Variants in ADAMTSL1 observed in about 807,000 individuals in gnomAD.
ADAMTSL1 encodes ADAMTS-like protein 1.
A neutral mutation model predicts 201.8 loss-of-function variants in ADAMTSL1; 126 were observed. That is an observed-to-expected ratio of 0.62 (90% CI 0.54 to 0.72). ADAMTSL1 has a LOEUF of 0.72. ADAMTSL1 is among the 30% of genes least tolerant of loss of function. ADAMTSL1 has a pLI of 0.00. For synonymous variants in ADAMTSL1, 1,121 were observed against 903.4 expected, an observed-to-expected ratio of 1.24 and a Z score of -4.32; for missense variants, 2,679 against 2,277.8, an observed-to-expected ratio of 1.18 and a Z score of -3.59.
At chr9:18,405,733 C>T (rs1263706528) in intron 2 of ADAMTSL1, among the ~76,000 whole-genome samples, 1 of 151,100 alleles carries the variant, frequency 6.6e-6, no homozygotes, top group Non-Finnish European at 1.5e-5. Context: ...AGATTTTATA[C>T]AATAATATGT....
chr9:18,496,894 G>A (rs1822561016), intron 1 of ADAMTSL1, among the ~76,000 whole-genome samples: 1 of 152,220 alleles, frequency 6.6e-6, no homozygotes, highest in Non-Finnish European at 1.5e-5. Flanking sequence ...TTAGATGGAA[G>A]TGGAAACTAA....
At position 18,775,915 on chromosome 9, in the gene ADAMTSL1, TGG is replaced by T. The variant is rs1290765513; in HGVS notation, c.2551+21_2551+22del. 4.4e-6 allele frequency: 7 copies of T among 1,577,664 alleles called. No individual in the cohort carries two copies. In the African/African-American group the frequency reaches 9.5e-5, roughly 21 times the overall value. On this transcript the variant is annotated intron_variant, in intron 18 of 28. Coordinates refer to ENST00000380548, the MANE Select transcript of ADAMTSL1 (RefSeq NM_001040272.6). ...TGTGCAAGTAAGTATGTCAGGGCTC[TGG>T]GAATGGGGAGATGAAACCCACACAG...
intron 2 of ADAMTSL1, among the ~76,000 whole-genome samples, chr9:18,391,671 T>G (rs1164977050): frequency 2.6e-5 from 4 of 151,996 alleles, no homozygotes; most frequent in Non-Finnish European, 5.9e-5. Flanking sequence ...TGTTTAGGAG[T>G]AGATTTTGTC....
chr9:18,802,499 C>A (rs979940914), intron 20 of ADAMTSL1, among the ~76,000 whole-genome samples: 56 of 152,230 alleles, frequency 3.7e-4, no homozygotes, highest in African/African-American at 1.3e-3. Flanking sequence ...TCTTCTTTCA[C>A]TTAGCATAAA....
chr9:18,759,618 T>A (rs934474), intron 16 of ADAMTSL1, among the ~76,000 whole-genome samples: 134,550 of 152,266 alleles, frequency 0.88, 59,549 homozygotes, highest in Admixed American at 0.92. Flanking sequence ...TCCTATCTTT[T>A]GAGGCAGCAA....
chr9:18,761,440 C>T (rs1224515280), intron 16 of ADAMTSL1, among the ~76,000 whole-genome samples: 2 of 152,130 alleles, frequency 1.3e-5, no homozygotes, highest in Admixed American at 6.5e-5. Context: ...TATCATGAAA[C>T]GTGTATGGCA....
chr9:18,491,074 AG>A (rs1035717180), intron 1 of ADAMTSL1, among the ~76,000 whole-genome samples: 18 of 152,220 alleles, frequency 1.2e-4, no homozygotes, highest in African/African-American at 4.3e-4. Flanking sequence ...TCGTCTTAAT[AG>A]CTCAAAGAAT....
At chr9:18,379,248 T>A (rs1837441560) in intron 2 of ADAMTSL1, among the ~76,000 whole-genome samples, 1 of 152,106 alleles carries the variant, frequency 6.6e-6, no homozygotes, top group Non-Finnish European at 1.5e-5. Context: ...AAACAGAAAC[T>A]CTAAGGAAAC....
intron 1 of ADAMTSL1, among the ~76,000 whole-genome samples, chr9:17,942,087 T>C (rs1391328776): frequency 1.3e-5 from 2 of 152,128 alleles, no homozygotes; most frequent in Admixed American, 1.3e-4. Context: ...CATTCACCTA[T>C]ATAAGGTATA....
At chr9:18,658,866 AAATT>A (rs1828881644) in intron 8 of ADAMTSL1, among the ~76,000 whole-genome samples, 1 of 152,186 alleles carries the variant, frequency 6.6e-6, no homozygotes. Context: ...TTCTCTTTTC[AAATT>A]ATTTTCTTGG....
chr9:18,824,092 A>G (rs1824385896), intron 21 of ADAMTSL1, among the ~76,000 whole-genome samples: 1 of 151,954 alleles, frequency 6.6e-6, no homozygotes, highest in South Asian at 2.1e-4. Flanking sequence ...GTTTGCAGGA[A>G]CTCATTTTTC....
At chr9:18,600,090 TG>T (rs1396641872) in intron 4 of ADAMTSL1, among the ~76,000 whole-genome samples, 2 of 151,830 alleles carry the variant, frequency 1.3e-5, no homozygotes, top group African/African-American at 4.8e-5. Flanking sequence ...ATGACACTGC[TG>T]CCTTGAGATG....
intron 2 of ADAMTSL1, among the ~76,000 whole-genome samples, chr9:18,424,151 C>T (rs1396032464): frequency 1.3e-5 from 2 of 152,180 alleles, no homozygotes; most frequent in East Asian, 1.9e-4. Flanking sequence ...TTAGATATGG[C>T]CTTGCTTAAT....
chr9:18,378,513 C>G (rs563892246), intron 2 of ADAMTSL1, among the ~76,000 whole-genome samples: 3 of 152,258 alleles, frequency 2.0e-5, no homozygotes, highest in African/African-American at 7.2e-5. Context: ...GAAGCACATC[C>G]AAACAGAAAA....
intron 23 of ADAMTSL1, among the ~76,000 whole-genome samples, chr9:18,868,521 C>T (rs142203963): frequency 1.3e-5 from 2 of 152,266 alleles, no homozygotes; most frequent in East Asian, 1.9e-4. Flanking sequence ...GTAGCCTTTA[C>T]CCTAAGGCCT....
rs564016962 is a variant in ADAMTSL1 at position 17,989,427 on chromosome 9, ATTAT to A, written c.87+82509_87+82512del. ...TCATAATTTAATTAATCAATATCCT[ATTAT>A]TTAACATTTAGAGTGTTTTAAAAAA... On this transcript the variant is annotated intron_variant, in intron 1 of 29. Transcript: ENST00000680146. 4.6e-3 allele frequency among the ~76,000 whole-genome samples: 696 copies of A among 152,068 alleles called. 5 individuals are homozygous for A. The highest frequency in any genetic ancestry group is 0.016 in the African/African-American group (649 of 41,554).
At chr9:18,361,378 G>A (rs1034310770) in intron 2 of ADAMTSL1, among the ~76,000 whole-genome samples, 5 of 152,050 alleles carry the variant, frequency 3.3e-5, no homozygotes, top group African/African-American at 7.2e-5. Flanking sequence ...GTATATTCTC[G>A]ATTTTCAACA....
chr9:18,134,374 A>C (rs1017490152), intron 1 of ADAMTSL1, among the ~76,000 whole-genome samples: 2 of 152,190 alleles, frequency 1.3e-5, no homozygotes, highest in Non-Finnish European at 2.9e-5. Context: ...TCTTGGGAGC[A>C]TAGCCATTAT....
intron 1 of ADAMTSL1, among the ~76,000 whole-genome samples, chr9:18,096,476 G>A (rs1370752055): frequency 1.3e-5 from 2 of 152,150 alleles, no homozygotes; most frequent in Non-Finnish European, 2.9e-5. Context: ...GTGGCTCTTG[G>A]TACCACTCTG....
Sources: allele counts gnomAD v4.1 joint callset (sites outside exome capture counted in the v4.1 genomes callset), GRCh38; gene constraint gnomAD v4.1.1; transcripts MANE v1.5; gene names NCBI Gene and HGNC (gene_info 2026-07-23, HGNC 2026-07-21).